Variants in PTK2 observed in about 807,000 individuals in gnomAD.
The protein encoded by PTK2 is focal adhesion kinase 1.
PTK2 carries 45 observed loss-of-function variants against 150.1 expected under a neutral mutation model. The observed-to-expected ratio is 0.30, with a 90% CI of 0.24 to 0.38. The LOEUF is 0.38. PTK2 is among the 10% of genes least tolerant of loss of function. The pLI, the probability that PTK2 is intolerant of heterozygous loss-of-function variation, is 1.00. For synonymous variants in PTK2, 432 were observed against 449.2 expected, an observed-to-expected ratio of 0.96 and a Z score of 0.48; for missense variants, 919 against 1,307.3, an observed-to-expected ratio of 0.70 and a Z score of 4.58.
chr8:140,767,928 C>T (rs2100073338), intron 14 of PTK2, among the ~76,000 whole-genome samples: 1 of 151,990 alleles, frequency 6.6e-6, no homozygotes, highest in African/African-American at 2.4e-5. Context: ...GGGCCCTCCA[C>T]ATGTTAGTGT....
intron 7 of PTK2, among the ~76,000 whole-genome samples, chr8:140,844,176 T>C (rs2100123943): frequency 1.3e-5 from 2 of 152,218 alleles, no homozygotes. Flanking sequence ...CATTACATTA[T>C]GGTTGCACAC....
intron 27 of PTK2, among the ~76,000 whole-genome samples, chr8:140,679,995 G>T (rs2100016119): frequency 6.6e-6 from 1 of 152,174 alleles, no homozygotes; most frequent in African/African-American, 2.4e-5. Flanking sequence ...AGCAAGGCTG[G>T]CTACCGGTGC....
intron 1 of PTK2, among the ~76,000 whole-genome samples, chr8:140,933,248 T>C (rs1185190754): frequency 4.8e-5 from 7 of 147,248 alleles, no homozygotes; most frequent in African/African-American, 1.2e-4. Flanking sequence ...CAGCTGGCAA[T>C]AGAAGAGCAT....
At chr8:140,663,311 TTCTC>T (rs149810633) in intron 31 of PTK2, among the ~76,000 whole-genome samples, 5,082 of 152,166 alleles carry the variant, frequency 0.033, 219 homozygotes, top group African/African-American at 0.099. Context: ...AAGTTGGGAG[TTCTC>T]TCTATTAATC....
At chr8:140,676,380 AAATTAATT>A (rs57904871) in intron 27 of PTK2, among the ~76,000 whole-genome samples, 39 of 131,586 alleles carry the variant, frequency 3.0e-4, no homozygotes, top group East Asian at 2.8e-3. Flanking sequence ...TGTCTCAAAA[AAATTAATT>A]AATTAATTAA....
intron 14 of PTK2, among the ~76,000 whole-genome samples, chr8:140,771,954 ATTT>A (rs61154851): frequency 0.027 from 3,968 of 145,422 alleles, 183 homozygotes; most frequent in African/African-American, 0.095. Flanking sequence ...TAATTTTTGT[ATTT>A]TTTTTTTTTT....
At chr8:140,782,222 T>G (rs560367835) in intron 14 of PTK2, among the ~76,000 whole-genome samples, 113 of 149,270 alleles carry the variant, frequency 7.6e-4, no homozygotes, top group African/African-American at 2.6e-3. Context: ...CAAAAATGAA[T>G]TTATCTTTTA....
At chr8:140,744,614 T>C (rs2100057631) in intron 19 of PTK2, 38 bp downstream of exon 22, 1 of 1,356,028 alleles carries the variant, frequency 7.4e-7, no homozygotes, top group Non-Finnish European at 1.0e-6. Context: ...TCACTACTTT[T>C]CAGAAGGGAA....
At chr8:140,964,584 G>T (rs978346068) in intron 1 of PTK2, among the ~76,000 whole-genome samples, 8 of 144,032 alleles carry the variant, frequency 5.6e-5, no homozygotes, top group Non-Finnish European at 9.1e-5. Context: ...TGGTAGAGAG[G>T]GGAGTCTCAC....
intron 22 of PTK2, among the ~76,000 whole-genome samples, chr8:140,719,668 G>A (rs531176000): frequency 6.6e-6 from 1 of 152,200 alleles, no homozygotes; most frequent in South Asian, 2.1e-4. Context: ...TTGCTAACTT[G>A]CTCTGTGCAA....
intron 1 of PTK2, among the ~76,000 whole-genome samples, chr8:140,931,733 G>C (rs952384769): frequency 6.6e-6 from 1 of 151,384 alleles, no homozygotes; most frequent in Admixed American, 6.6e-5. Flanking sequence ...CCAGGAGTTC[G>C]AGACCAGCCT....
At chr8:140,855,322 G>T (rs1269649778) in intron 5 of PTK2, among the ~76,000 whole-genome samples, 1 of 152,138 alleles carries the variant, frequency 6.6e-6, no homozygotes, top group Non-Finnish European at 1.5e-5. Context: ...GTCGCCACGT[G>T]TGGTGGCTCA....
chr8:140,705,414 G>C (rs183497604), intron 24 of PTK2, among the ~76,000 whole-genome samples: 38 of 152,210 alleles, frequency 2.5e-4, no homozygotes, highest in African/African-American at 8.4e-4. Flanking sequence ...TAAAATTCTA[G>C]AACAGGCAGA....
intron 1 of PTK2, among the ~76,000 whole-genome samples, chr8:140,949,725 C>G (rs2100178868): frequency 6.6e-6 from 1 of 152,188 alleles, no homozygotes; most frequent in Non-Finnish European, 1.5e-5. Flanking sequence ...TCGTCATGAA[C>G]AGCCTAGGTG....
chr8:140,816,585 G>A (rs550700217), intron 10 of PTK2, among the ~76,000 whole-genome samples: 3 of 152,312 alleles, frequency 2.0e-5, no homozygotes, highest in Admixed American at 2.0e-4. Context: ...TCCTTGATGT[G>A]TAAAGGGACT....
chr8:140,984,619 AGGGAGCTTT>A (rs1355912621), intron 1 of PTK2, among the ~76,000 whole-genome samples: 2 of 152,280 alleles, frequency 1.3e-5, no homozygotes, highest in African/African-American at 4.8e-5. Context: ...GAACGGTTAA[AGGGAGCTTT>A]CATCTCTTCT....
chr8:140,820,104 T>G (rs1190503164), intron 8 of PTK2, among the ~76,000 whole-genome samples: 3 of 78,582 alleles, frequency 3.8e-5, no homozygotes, highest in Non-Finnish European at 7.5e-5. Flanking sequence ...TTTTTTTTTT[T>G]TTTTTTTTTT....
At chr8:140,944,052 C>A (rs1377255003) in intron 1 of PTK2, among the ~76,000 whole-genome samples, 1 of 152,104 alleles carries the variant, frequency 6.6e-6, no homozygotes, top group Non-Finnish European at 1.5e-5. Flanking sequence ...CTACTTGCCA[C>A]CCCAACTCAC....
At chr8:140,959,561 A>T (rs2100182385) in intron 1 of PTK2, among the ~76,000 whole-genome samples, 1 of 147,494 alleles carries the variant, frequency 6.8e-6, no homozygotes, top group Non-Finnish European at 1.5e-5. Flanking sequence ...AAAAAAAAGT[A>T]GTGTAAGAGT....
Sources: allele counts gnomAD v4.1 joint callset (sites outside exome capture counted in the v4.1 genomes callset), GRCh38; gene constraint gnomAD v4.1.1; transcripts MANE v1.5; gene names NCBI Gene and HGNC (gene_info 2026-07-23, HGNC 2026-07-21).